Variants in CASK observed in about 807,000 individuals in gnomAD.
CASK encodes peripheral plasma membrane protein CASK.
A neutral mutation model predicts 82.9 loss-of-function variants in CASK; 4 were observed. The ratio of observed to expected loss-of-function variants is 0.05; its 90% CI spans 0.02 to 0.11. The LOEUF (loss-of-function observed/expected upper bound fraction) is 0.11. CASK is among the 10% of genes least tolerant of loss of function. The pLI is 1.00. For missense variants in CASK, 358 were observed against 720.9 expected, an observed-to-expected ratio of 0.50 and a Z score of 5.76; for synonymous variants, 259 against 253.5, an observed-to-expected ratio of 1.02 and a Z score of -0.20.
At chrX:41,797,807 G>A (rs1352499143) in intron 2 of CASK, among the ~76,000 whole-genome samples, 1 of 111,563 alleles carries the variant, frequency 9.0e-6, no homozygotes, top group African/African-American at 3.3e-5. Context: ...TAGGCTGTGT[G>A]GAAGAGGATA....
intron 5 of CASK, among the ~76,000 whole-genome samples, chrX:41,674,781 CAA>C (rs1424539286): frequency 1.8e-5 from 2 of 110,719 alleles, no homozygotes. Context: ...GTTTCAGAAC[CAA>C]AAGACTAATT....
intron 11 of CASK, among the ~76,000 whole-genome samples, chrX:41,611,833 C>T (rs926124799): frequency 9.0e-6 from 1 of 110,585 alleles, no homozygotes; most frequent in Non-Finnish European, 1.9e-5. Flanking sequence ...CGAGTGCCTG[C>T]GATTGCAGGC....
chrX:41,808,354 T>C (rs899256049), intron 2 of CASK, among the ~76,000 whole-genome samples: 3 of 111,644 alleles, frequency 2.7e-5, no homozygotes, highest in African/African-American at 9.8e-5. Context: ...CTTAACTGTT[T>C]TCAAGCTGCA....
intron 3 of CASK, among the ~76,000 whole-genome samples, chrX:41,779,392 C>T (rs2069428118): frequency 8.9e-6 from 1 of 112,021 alleles, no homozygotes. Flanking sequence ...TGTATCTTTT[C>T]CTTTTGCTGA....
At chrX:41,755,041 GC>G (rs1191746928) in intron 3 of CASK, among the ~76,000 whole-genome samples, 1 of 109,467 alleles carries the variant, frequency 9.1e-6, no homozygotes, top group Non-Finnish European at 1.9e-5. Context: ...ACCACACCCA[GC>G]TAATTTTTGT....
intron 5 of CASK, among the ~76,000 whole-genome samples, chrX:41,715,819 T>C (rs759813061): frequency 9.0e-6 from 1 of 111,634 alleles, no homozygotes; most frequent in East Asian, 2.8e-4. Flanking sequence ...TAAAAACTGT[T>C]CTGTCTGCCA....
rs1476625982 is a variant in CASK, at chrX:41,517,764, TAGCAGTAGCAGCAGCAGCAGC to T, written c.*2635_*2655del. The T allele has an allele frequency of 1.6e-5, 12 of 733,550 alleles. No homozygotes were observed. The African/African-American group carries it at 2.3e-4, about 14-fold the overall frequency. 60.5% of individuals were successfully genotyped at this position (733,550 alleles called of 1,213,427 possible). On this transcript the variant is annotated 3_prime_UTR_variant, in exon 27 of 27. Coordinates refer to ENST00000378163, the MANE Select transcript of CASK (RefSeq NM_001367721.1). Reference sequence around the variant, plus strand: ...GATTGCTTAGTGGACAATTGTAATGTAGCAGTAGCAGCAGCAGCAGCAGCAGCAGCAGCAGCAGCAGCAGCA... The same window carrying T: ...GATTGCTTAGTGGACAATTGTAATGTAGCAGCAGCAGCAGCAGCAGCAGCA...
chrX:41,872,976 A>G (rs1037749154), intron 1 of CASK, among the ~76,000 whole-genome samples: 8 of 111,307 alleles, frequency 7.2e-5, no homozygotes, highest in Non-Finnish European at 1.5e-4. Context: ...GTCCTCATAT[A>G]ATCAAATACT....
At chrX:41,647,268 C>T (rs1256544673) in intron 8 of CASK, among the ~76,000 whole-genome samples, 1 of 112,427 alleles carries the variant, frequency 8.9e-6, no homozygotes, top group Non-Finnish European at 1.9e-5. Flanking sequence ...CCCCGTATTC[C>T]TATAATGAGA....
chrX:41,657,568 G>C (rs774935277), intron 8 of CASK, among the ~76,000 whole-genome samples: 17 of 110,828 alleles, frequency 1.5e-4, no homozygotes, highest in African/African-American at 5.6e-4. Context: ...TGTAGCCCAG[G>C]CTGGAGTGCT....
At chrX:41,714,806 G>C (rs945514269) in intron 5 of CASK, among the ~76,000 whole-genome samples, 1 of 111,954 alleles carries the variant, frequency 8.9e-6, no homozygotes, top group Admixed American at 9.4e-5. Context: ...CATGATGTCA[G>C]AGAAACATTC....
At chrX:41,915,420 T>C (rs1411555582) in intron 1 of CASK, among the ~76,000 whole-genome samples, 1 of 112,392 alleles carries the variant, frequency 8.9e-6, no homozygotes, top group African/African-American at 3.2e-5. Context: ...AAATCAATAT[T>C]TCAGCATAGT....
chrX:41,653,307 T>G (rs1349512727), intron 8 of CASK, among the ~76,000 whole-genome samples: 2 of 112,041 alleles, frequency 1.8e-5, no homozygotes, highest in East Asian at 5.6e-4. Context: ...ATTATCGTGG[T>G]CTTCCATGGT....
intron 12 of CASK, among the ~76,000 whole-genome samples, chrX:41,607,498 ACTAG>A (rs2065979112): frequency 8.9e-6 from 1 of 112,438 alleles, no homozygotes; most frequent in African/African-American, 3.2e-5. Flanking sequence ...TATTGCACTA[ACTAG>A]TTCTAGTAAA....
chrX:41,527,833 C>A (rs1334135072), intron 25 of CASK, among the ~76,000 whole-genome samples: 2 of 112,499 alleles, frequency 1.8e-5, no homozygotes, highest in Admixed American at 1.9e-4. Flanking sequence ...TGATTACACA[C>A]TGGGGCTATT....
Position 41,854,224 on chromosome X carries a change from G to GCACACACACA in CASK, c.60-1007_60-998dup, listed in dbSNP as rs4007745. Among the ~76,000 whole-genome samples, 323 of 81,715 alleles carry GCACACACACA rather than the reference G, an allele frequency of 4.0e-3. 4 individuals carry two copies. The highest frequency in any genetic ancestry group is 0.012 in the African/African-American group (257 of 21,746). 71.0% of individuals were successfully genotyped at this position (81,715 alleles called of 115,157 possible). ...AACATGCGCGCGCGCGCGGGCGCGC[G>GCACACACACA]CACACACACACACACACACACACAC... On this transcript the variant is annotated intron_variant, in intron 1 of 26. Coordinates refer to ENST00000378163, the MANE Select transcript of CASK (RefSeq NM_001367721.1).
chrX:41,528,442 A>G lies in CASK; in HGVS notation c.2520+2565T>C, dbSNP rs770461430. On this transcript the variant is annotated intron_variant, in intron 25 of 26. Coordinates refer to ENST00000378163, the MANE Select transcript of CASK (RefSeq NM_001367721.1). ...CTGAAATAAGATGGCATAAAGTATT[A>G]GACCTGTACTAAAAGAGCTGGACAT... 1.2e-4 allele frequency among the ~76,000 whole-genome samples: 13 copies of G among 112,431 alleles called. No individual in the cohort carries two copies. The East Asian group carries it at 3.6e-3, about 31-fold the overall frequency.
At chrX:41,521,892 G>A (rs1335435865) in intron 26 of CASK, among the ~76,000 whole-genome samples, 1 of 112,431 alleles carries the variant, frequency 8.9e-6, no homozygotes, top group Non-Finnish European at 1.9e-5. Context: ...CACATAGTAA[G>A]TGCTTAATAA....
chrX:41,814,758 G>A, intron 2 of CASK, among the ~76,000 whole-genome samples: 1 of 111,217 alleles, frequency 9.0e-6, no homozygotes, highest in East Asian at 2.8e-4. Flanking sequence ...AAAAAGAAAT[G>A]CAAATAAAGA....
Sources: allele counts gnomAD v4.1 joint callset (sites outside exome capture counted in the v4.1 genomes callset), GRCh38; gene constraint gnomAD v4.1.1; transcripts MANE v1.5; gene names NCBI Gene and HGNC (gene_info 2026-07-23, HGNC 2026-07-21).